Variants in PRKAR1A observed in about 807,000 individuals in gnomAD.
The protein encoded by PRKAR1A is protein kinase cAMP-dependent type I regulatory subunit alpha.
A neutral mutation model predicts 52.0 loss-of-function variants in PRKAR1A; 3 were observed. That is an observed-to-expected ratio of 0.06 (90% CI 0.03 to 0.15). PRKAR1A has a LOEUF of 0.15. Among genes scored for constraint, PRKAR1A ranks in the 10% least tolerant of loss-of-function variants. The pLI, the probability that PRKAR1A is intolerant of heterozygous loss-of-function variation, is 1.00. For synonymous variants in PRKAR1A, 188 were observed against 168.4 expected (o/e 1.12, Z -0.90); for missense variants, 240 against 477.4 (o/e 0.50, Z 4.63).
chr17:68,426,247 A>AGGGGG, the PRKAR1A span: 5 of 668,430 alleles, frequency 7.5e-6, 1 homozygote, highest in Admixed American at 3.7e-5. Context: ...GCGGGTGGGG[A>AGGGGG]GCGGGGGCTC....
the PRKAR1A span, among the ~76,000 whole-genome samples, chr17:68,436,776 C>T: frequency 1.3e-5 from 2 of 152,068 alleles, no homozygotes; most frequent in South Asian, 2.1e-4. Context: ...GCGGGCGGAT[C>T]ACTTGAGGTC....
the PRKAR1A span, among the ~76,000 whole-genome samples, chr17:68,498,075 T>G: frequency 1.4e-5 from 2 of 144,416 alleles, no homozygotes; most frequent in African/African-American, 2.5e-5. Flanking sequence ...ATGGGGGAAG[T>G]AAAGGGGGGG....
intron 11 of PRKAR1A, among the ~76,000 whole-genome samples, chr17:68,550,528 G>A (rs1277349453): frequency 1.3e-5 from 2 of 151,778 alleles, no homozygotes; most frequent in Non-Finnish European, 2.9e-5. Flanking sequence ...CTGCATACAC[G>A]CACCACCATA....
At chr17:68,513,549 A>G (rs1477407921) in intron 1 of PRKAR1A, among the ~76,000 whole-genome samples, 1 of 152,244 alleles carries the variant, frequency 6.6e-6, no homozygotes, top group African/African-American at 2.4e-5. Context: ...TTTGTTTTAC[A>G]TAGAGACAAT....
At chr17:68,545,326 T>C (rs1049059210) in intron 11 of PRKAR1A, among the ~76,000 whole-genome samples, 12 of 152,366 alleles carry the variant, frequency 7.9e-5, no homozygotes, top group African/African-American at 2.9e-4. Flanking sequence ...TTCGGAGATA[T>C]TGCAGGTTTG....
the PRKAR1A span, among the ~76,000 whole-genome samples, chr17:68,482,413 A>G: frequency 6.6e-6 from 1 of 152,214 alleles, no homozygotes; most frequent in African/African-American, 2.4e-5. Flanking sequence ...ATTCAAATAC[A>G]GTTTCATCTC....
chr17:68,414,201 G>A, the PRKAR1A span: 4 of 152,200 alleles, frequency 2.6e-5, no homozygotes, highest in Non-Finnish European at 4.4e-5. Context: ...CTTGTATGCC[G>A]ATTTTGCTGA....
intron 11 of PRKAR1A, among the ~76,000 whole-genome samples, chr17:68,544,111 A>C (rs1357276766): frequency 6.6e-6 from 1 of 152,222 alleles, no homozygotes; most frequent in East Asian, 1.9e-4. Flanking sequence ...CAGATGTCCA[A>C]GGATGAAGAA....
the PRKAR1A span, among the ~76,000 whole-genome samples, chr17:68,482,660 A>G: frequency 6.6e-6 from 1 of 152,254 alleles, no homozygotes; most frequent in Admixed American, 6.5e-5. Flanking sequence ...TTATCAAACC[A>G]AATATTGCCC....
chr17:68,518,323 A>G (rs1335032067), intron 2 of PRKAR1A, among the ~76,000 whole-genome samples: 1 of 152,202 alleles, frequency 6.6e-6, no homozygotes, highest in Admixed American at 6.5e-5. Flanking sequence ...GCACTGCCCT[A>G]GCAGAGGTTC....
chr17:68,540,291 T>C (rs1160233024), intron 11 of PRKAR1A, among the ~76,000 whole-genome samples: 1 of 152,214 alleles, frequency 6.6e-6, no homozygotes, highest in Non-Finnish European at 1.5e-5. Flanking sequence ...GACATTGGCT[T>C]TCCTCAGCCC....
chr17:68,519,194 CA>C (rs2085526423), intron 2 of PRKAR1A, among the ~76,000 whole-genome samples: 2 of 152,272 alleles, frequency 1.3e-5, no homozygotes, highest in African/African-American at 4.8e-5. Context: ...CTTGTAACAG[CA>C]CCCCACGCTC....
chr17:68,431,782 GA>G, the PRKAR1A span, among the ~76,000 whole-genome samples: 5 of 152,204 alleles, frequency 3.3e-5, no homozygotes, highest in South Asian at 2.1e-4. Flanking sequence ...GTTGAGCGGA[GA>G]ACCCAGAACA....
chr17:68,465,227 C>T, the PRKAR1A span, among the ~76,000 whole-genome samples: 3 of 152,096 alleles, frequency 2.0e-5, no homozygotes, highest in Non-Finnish European at 4.4e-5. Flanking sequence ...CCACCGCGCC[C>T]GGCCCCGGCC....
In PRKAR1A at chr17:68,528,832, A is replaced by G. The variant is rs1375560359; in HGVS notation, c.770-38A>G. ...TCTTTTTACCTTTATAACAGCACCA[A>G]ATAATACAGAGCAGTTATTTTGATT... On this transcript the variant is annotated intron_variant, in intron 8 of 10. Coordinates refer to ENST00000589228, the MANE Select transcript of PRKAR1A (RefSeq NM_002734.5). 3.7e-6 allele frequency: 6 copies of G among 1,611,898 alleles called. 1 individual carries two copies. Among genetic ancestry groups the G allele is most frequent in the East Asian group, 2.2e-5 (1 of 44,876 alleles).
At chr17:68,428,819 G>A in the PRKAR1A span, 7 of 1,603,582 alleles carry the variant, frequency 4.4e-6, no homozygotes, top group Admixed American at 8.3e-5. Flanking sequence ...TTGAAAAGCA[G>A]TCTCTTCACC....
chr17:68,510,159 CAGAGAGAGAGAGAGAGAG>C (rs35144524), upstream of PRKAR1A, among the ~76,000 whole-genome samples: 1 of 127,520 alleles, frequency 7.8e-6, no homozygotes, highest in African/African-American at 2.9e-5. Context: ...TATATGTAGA[CAGAGAGAGAGAGAGAGAG>C]AGAGAGAGAG....
chr17:68,433,419 C>T, the PRKAR1A span: 3 of 1,514,014 alleles, frequency 2.0e-6, no homozygotes, highest in East Asian at 2.3e-5. Context: ...AGAGCCTAGG[C>T]CTGACTCCTT....
chr17:68,493,596 A>ATTT, the PRKAR1A span: 13 of 143,732 alleles, frequency 9.0e-5, no homozygotes, highest in African/African-American at 2.1e-4. Context: ...TCAACTTGCA[A>ATTT]TTTTTTTTTT....
Sources: gnomAD v4.1 joint callset for allele counts (sites outside exome capture counted in the v4.1 genomes callset) on GRCh38, gnomAD v4.1.1 for gene constraint, MANE v1.5 for transcripts, NCBI Gene and HGNC (gene_info 2026-07-23, HGNC 2026-07-21) for gene names.